Variants in PPP1R12A observed in about 807,000 individuals in gnomAD.
The protein encoded by PPP1R12A is protein phosphatase 1 regulatory subunit 12A.
In PPP1R12A, 19 loss-of-function variants were observed where a neutral mutation model predicts 139.6. That is an observed-to-expected ratio of 0.14 (90% CI 0.09 to 0.20). The LOEUF is 0.20. Ranked by LOEUF, PPP1R12A falls within the 10% of genes least tolerant of loss-of-function variation. The pLI is 1.00. For synonymous variants in PPP1R12A, 427 were observed against 420.6 expected, an observed-to-expected ratio of 1.02 and a Z score of -0.19; for missense variants, 925 against 1,211.5, an observed-to-expected ratio of 0.76 and a Z score of 3.51.
chr12:79,888,176 A>G (rs1406285521), intron 1 of PPP1R12A, among the ~76,000 whole-genome samples: 1 of 152,188 alleles, frequency 6.6e-6, no homozygotes, highest in East Asian at 1.9e-4. Context: ...CTTAGAGTCC[A>G]GCACAAGACA....
chr12:79,776,138 T>G, intron 24 of PPP1R12A, 123 bp from the exon 25 acceptor site: 1 of 552,994 alleles, frequency 1.8e-6, no homozygotes. Flanking sequence ...TTATATATAT[T>G]TCTAGTATCT....
At chr12:79,893,986 G>T (rs931851830) in intron 1 of PPP1R12A, among the ~76,000 whole-genome samples, 2 of 152,130 alleles carry the variant, frequency 1.3e-5, no homozygotes, top group African/African-American at 4.8e-5. Flanking sequence ...TATTCAGGTA[G>T]CAGGAGTTCC....
At chr12:79,790,964 C>A (rs1350196579) in intron 19 of PPP1R12A, among the ~76,000 whole-genome samples, 1 of 152,018 alleles carries the variant, frequency 6.6e-6, no homozygotes, top group East Asian at 1.9e-4. Flanking sequence ...TACTAGGTTA[C>A]TTTTGGGATT....
At position 79,868,088 on chromosome 12, in the gene PPP1R12A, TAAA is replaced by T. The variant is rs1230347827; in HGVS notation, c.368+4717_368+4719del. Reference sequence around the variant, plus strand: ...TTACAAAAATATTCCAACTAATAAATAAAAAAGAATGACAATTAAAATGTTACC... The same window carrying T: ...TTACAAAAATATTCCAACTAATAAATAAAGAATGACAATTAAAATGTTACC... On this transcript the variant is annotated intron_variant, in intron 2 of 24. Coordinates refer to ENST00000450142, the MANE Select transcript of PPP1R12A (RefSeq NM_002480.3). 3.3e-5 allele frequency among the ~76,000 whole-genome samples: 5 copies of T among 152,156 alleles called. No individual in the cohort carries two copies. The East Asian group carries it at 9.6e-4, about 29-fold the overall frequency.
intron 6 of PPP1R12A, 67 bp from the exon 7 acceptor site, chr12:79,821,233 T>C: frequency 9.0e-7 from 1 of 1,108,040 alleles, no homozygotes; most frequent in East Asian, 2.4e-5. Flanking sequence ...GATGCAGAGT[T>C]TAAAATAATA....
intron 1 of PPP1R12A, among the ~76,000 whole-genome samples, chr12:79,925,235 A>C (rs1016839739): frequency 2.0e-5 from 3 of 152,110 alleles, no homozygotes; most frequent in Non-Finnish European, 4.4e-5. Flanking sequence ...TGTTTATTAC[A>C]AGTAAAGGTT....
chr12:79,883,428 T>G (rs1025568173), intron 1 of PPP1R12A, among the ~76,000 whole-genome samples: 3 of 152,126 alleles, frequency 2.0e-5, no homozygotes, highest in African/African-American at 7.2e-5. Context: ...AAGGTATGCC[T>G]GTACTCATGA....
In PPP1R12A at chr12:79,836,802, C is replaced by T. The variant is rs964430792; in HGVS notation, c.488-4311G>A. 4.6e-5 allele frequency among the ~76,000 whole-genome samples: 7 copies of T among 152,258 alleles called. 1 individual carries two copies. In the South Asian group the frequency reaches 8.3e-4, roughly 18 times the overall value. On this transcript the variant is annotated intron_variant, in intron 3 of 24. Transcript: ENST00000450142. ...GCCAGTGATCCTGAGAAAGCCATAG[C>T]TTCTTTGGATATTAGTAAGATAGGT...
intron 3 of PPP1R12A, among the ~76,000 whole-genome samples, chr12:79,838,004 G>A (rs1371543389): frequency 1.3e-5 from 2 of 152,196 alleles, no homozygotes; most frequent in Admixed American, 6.5e-5. Flanking sequence ...TTGAAACTGG[G>A]TAACAGGCAG....
At chr12:79,903,640 G>C (rs1039000322) in intron 1 of PPP1R12A, among the ~76,000 whole-genome samples, 1 of 151,926 alleles carries the variant, frequency 6.6e-6, no homozygotes, top group African/African-American at 2.4e-5. Context: ...TTGGATGAGG[G>C]ACACTCAATC....
At chr12:79,815,722 C>G (rs1875286575) in intron 9 of PPP1R12A, among the ~76,000 whole-genome samples, 1 of 152,156 alleles carries the variant, frequency 6.6e-6, no homozygotes, top group Non-Finnish European at 1.5e-5. Context: ...GGATGATTAA[C>G]AGTCTTCAAA....
intron 1 of PPP1R12A, among the ~76,000 whole-genome samples, chr12:79,915,866 T>C (rs2136927785): frequency 6.6e-6 from 1 of 152,228 alleles, no homozygotes; most frequent in South Asian, 2.1e-4. Flanking sequence ...CTAATCCTGA[T>C]AATATTCACG....
intron 3 of PPP1R12A, 86 bp downstream of exon 3, chr12:79,845,216 C>T (rs2137210947): frequency 2.1e-6 from 2 of 948,832 alleles, no homozygotes; most frequent in Non-Finnish European, 1.6e-6. Flanking sequence ...ATTATGATTG[C>T]CCTTCAATGT....
intron 21 of PPP1R12A, chr12:79,787,322 A>T (rs1165119955): frequency 1.3e-5 from 2 of 152,168 alleles, no homozygotes; most frequent in African/African-American, 4.8e-5. Context: ...CCTCAAATGA[A>T]TATTTCTTCC....
chr12:79,845,461 T>C (rs781589866), intron 2 of PPP1R12A, 41 bp from the exon 3 acceptor site: 114 of 1,423,720 alleles, frequency 8.0e-5, no homozygotes, highest in Admixed American at 1.1e-4. Context: ...AAAGATATTA[T>C]CATTGAAATA....
At chr12:79,922,979 A>T (rs1446930051) in intron 1 of PPP1R12A, among the ~76,000 whole-genome samples, 1 of 152,208 alleles carries the variant, frequency 6.6e-6, no homozygotes, top group African/African-American at 2.4e-5. Flanking sequence ...GCGAGTAAAA[A>T]TGTACATGGT....
chr12:79,908,322 C>G, intron 1 of PPP1R12A, among the ~76,000 whole-genome samples: 1 of 152,152 alleles, frequency 6.6e-6, no homozygotes, highest in East Asian at 1.9e-4. Context: ...ATGATAACTA[C>G]CATACCTAAA....
chr12:79,850,126 A>C (rs1202300215), intron 2 of PPP1R12A, among the ~76,000 whole-genome samples: 1 of 152,192 alleles, frequency 6.6e-6, no homozygotes, highest in African/African-American at 2.4e-5. Flanking sequence ...AATTCTTAAC[A>C]AATTGTAGAA....
In PPP1R12A at chr12:79,775,995, T is replaced by C; in HGVS notation, c.3027A>G (p.Ala1009=). The change falls in exon 25 of 25, where the codon GCA becomes GCG. Residue 1009 remains alanine, a synonymous_variant. Transcript: ENST00000450142. ...TTTCATCCTTTAGCCTCTGGTTGTC[T>C]GCTTTTAGGTCTGGTAACATCTATA... ...EELKMLPDLK[A]DNQRLKDENG... The C allele has an allele frequency of 6.3e-7, 1 of 1,599,518 alleles. No individual in the cohort carries two copies. Among genetic ancestry groups the C allele is most frequent in the South Asian group, 1.1e-5 (1 of 88,472 alleles).
Sources: gnomAD v4.1 joint callset for allele counts (sites outside exome capture counted in the v4.1 genomes callset) on GRCh38, gnomAD v4.1.1 for gene constraint, MANE v1.5 for transcripts, NCBI Gene and HGNC (gene_info 2026-07-23, HGNC 2026-07-21) for gene names.